FRMPD1: variants seen among roughly 807,000 people sequenced by gnomAD.
FRMPD1 encodes the protein FERM and PDZ domain containing 1, also known as FERM and PDZ domain-containing protein 1.
FRMPD1 carries 76 observed loss-of-function variants against 117.8 expected under a neutral mutation model. The observed-to-expected ratio is 0.65, with a 90% CI of 0.54 to 0.78. The LOEUF (loss-of-function observed/expected upper bound fraction) is 0.78. Among genes scored for constraint, FRMPD1 ranks in the 30% least tolerant of loss-of-function variants. FRMPD1 has a pLI of 0.00. For missense variants in FRMPD1, 1,786 were observed against 1,964.5 expected (o/e 0.91, Z 1.72); for synonymous variants, 783 against 770.4 (o/e 1.02, Z -0.27).
Position 37,744,580 on chromosome 9 carries a change from G to T in FRMPD1, c.2548G>T (p.Val850Phe), listed in dbSNP as rs774366734. The change falls in exon 16 of 16, where the codon GTC becomes TTC. Residue 850 changes from valine (V) to phenylalanine (F), a missense_variant. Transcript: ENST00000377765. ...SFLQTDYTSQ[V>F]SFPLVPSASL... ...CCTACAGACCGACTACACCTCTCAG[G>T]TCTCATTTCCCCTGGTGCCATCAGC... 2 of 1,614,108 alleles carry T rather than the reference G, an allele frequency of 1.2e-6. No individual in the cohort carries two copies. The highest frequency in any genetic ancestry group is 1.7e-6 in the Non-Finnish European group (2 of 1,180,004).
chr9:37,729,532 T>C (rs908079726), intron 7 of FRMPD1, among the ~76,000 whole-genome samples, 196 bp from the exon 8 acceptor site: 1 of 151,536 alleles, frequency 6.6e-6, no homozygotes, highest in African/African-American at 2.4e-5. Context: ...TGGATGGTGA[T>C]GGAGCTTGAG....
chr9:37,620,417 G>A, the FRMPD1 span, among the ~76,000 whole-genome samples: 2 of 152,028 alleles, frequency 1.3e-5, no homozygotes, highest in South Asian at 2.1e-4. Context: ...TCTTCACAGG[G>A]CTGCTGTGAG....
chr9:37,707,895 C>T (rs1044098408), intron 3 of FRMPD1, among the ~76,000 whole-genome samples: 5 of 152,216 alleles, frequency 3.3e-5, no homozygotes, highest in African/African-American at 1.2e-4. Context: ...CCACACGCTC[C>T]TAGCTGGGGA....
At chr9:37,715,936 G>GAGTGACCTTACTA (rs1226685155) in intron 5 of FRMPD1, among the ~76,000 whole-genome samples, 1 of 152,162 alleles carries the variant, frequency 6.6e-6, no homozygotes, top group East Asian at 1.9e-4. Flanking sequence ...CGATTTGGAA[G>GAGTGACCTTACTA]AGTGACCTTC....
chr9:37,657,976 G>A (rs1386352284), intron 1 of FRMPD1, among the ~76,000 whole-genome samples: 4 of 151,718 alleles, frequency 2.6e-5, no homozygotes, highest in African/African-American at 4.8e-5. Flanking sequence ...TCTTCCTCTC[G>A]GCAATGGTTG....
chr9:37,659,413 G>A (rs1007544017), intron 1 of FRMPD1, among the ~76,000 whole-genome samples: 1 of 152,160 alleles, frequency 6.6e-6, no homozygotes, highest in African/African-American at 2.4e-5. Context: ...TCAGGGATTA[G>A]GCTGCCTAGG....
intron 15 of FRMPD1, 187 bp downstream of exon 15, chr9:37,741,071 G>A (rs1824389092): frequency 5.0e-6 from 3 of 599,782 alleles, no homozygotes; most frequent in South Asian, 2.0e-5. Flanking sequence ...TGCAAGGGAG[G>A]TTCAGACAAC....
intron 1 of FRMPD1, among the ~76,000 whole-genome samples, chr9:37,657,393 G>A (rs1011255306): frequency 2.6e-5 from 4 of 152,170 alleles, no homozygotes; most frequent in Non-Finnish European, 5.9e-5. Flanking sequence ...TATTAAAGAC[G>A]AGGATGGCAT....
chr9:37,710,574 G>T (rs895826441), intron 4 of FRMPD1, among the ~76,000 whole-genome samples: 1 of 152,126 alleles, frequency 6.6e-6, no homozygotes, highest in African/African-American at 2.4e-5. Context: ...TCTGATAAAC[G>T]TTATCCACAG....
intron 6 of FRMPD1, 72 bp downstream of exon 6, chr9:37,719,248 T>C (rs981095314): frequency 1.1e-6 from 1 of 915,934 alleles, no homozygotes; most frequent in African/African-American, 1.6e-5. Flanking sequence ...TCCCTGAACC[T>C]CTGGAATTCC....
chr9:37,706,465 C>G (rs1161509052), intron 2 of FRMPD1, among the ~76,000 whole-genome samples: 1 of 152,174 alleles, frequency 6.6e-6, no homozygotes, highest in Non-Finnish European at 1.5e-5. Flanking sequence ...ATTACTCCTT[C>G]ACATTTCTGT....
At chr9:37,637,963 G>GCTTTTTTTTCTTTCTTT in the FRMPD1 span, among the ~76,000 whole-genome samples, 68 of 100,128 alleles carry the variant, frequency 6.8e-4, 6 homozygotes, top group East Asian at 6.0e-3. Context: ...AATGGTGTAT[G>GCTTTTTTTTCTTTCTTT]CTTTCTTTCT....
intron 1 of FRMPD1, among the ~76,000 whole-genome samples, chr9:37,677,566 G>C (rs888620732): frequency 6.6e-6 from 1 of 152,230 alleles, no homozygotes; most frequent in Admixed American, 6.5e-5. Context: ...TACAGGCTCA[G>C]GGAGGCTAAG....
chr9:37,692,842 G>A (rs1463075295), intron 2 of FRMPD1, 100 bp downstream of exon 2: 9 of 867,140 alleles, frequency 1.0e-5, no homozygotes, highest in Admixed American at 1.9e-5. Flanking sequence ...TGCTGTCTCC[G>A]GCTTGCTTTG....
chr9:37,651,495 C>T (rs1043884988), intron 1 of FRMPD1, among the ~76,000 whole-genome samples: 7 of 152,242 alleles, frequency 4.6e-5, no homozygotes, highest in African/African-American at 1.7e-4. Context: ...TCGCCAGGGA[C>T]GATCAGCTGC....
At position 37,718,978 on chromosome 9, in the gene FRMPD1, C is replaced by G. The variant is rs1823271467; in HGVS notation, c.409-91C>G. 19 of 760,708 alleles carry G rather than the reference C, an allele frequency of 2.5e-5. 2 individuals carry two copies. The South Asian group carries it at 2.6e-4, about 11-fold the overall frequency. 47.1% of individuals were successfully genotyped at this position (760,708 alleles called of 1,614,324 possible). Reference sequence around the variant, plus strand: ...TTTAAATTGAATCTGCAACAGCTATCAAAGTTTCTGTTTTTAAGAAATGAG... The same window carrying G: ...TTTAAATTGAATCTGCAACAGCTATGAAAGTTTCTGTTTTTAAGAAATGAG... On this transcript the variant is annotated intron_variant, in intron 5 of 15. Coordinates refer to ENST00000377765, the MANE Select transcript of FRMPD1 (RefSeq NM_014907.3).
chr9:37,741,450 G>GACACACACACAC (rs56971939), intron 15 of FRMPD1, among the ~76,000 whole-genome samples: 154 of 135,732 alleles, frequency 1.1e-3, no homozygotes, highest in African/African-American at 4.0e-3. Flanking sequence ...ATCCTGGCAG[G>GACACACACACAC]ACACACACAC....
chr9:37,739,606 C>T (rs904815348), intron 14 of FRMPD1, among the ~76,000 whole-genome samples: 2 of 152,124 alleles, frequency 1.3e-5, no homozygotes, highest in Non-Finnish European at 2.9e-5. Context: ...GCTAAAAATA[C>T]AGATTCTCAG....
At chr9:37,672,344 C>T (rs1821380866) in intron 1 of FRMPD1, among the ~76,000 whole-genome samples, 1 of 152,074 alleles carries the variant, frequency 6.6e-6, no homozygotes, top group African/African-American at 2.4e-5. Flanking sequence ...TCTGGAACCT[C>T]CTGGGAAGTG....
Sources: allele counts gnomAD v4.1 joint callset (sites outside exome capture counted in the v4.1 genomes callset), GRCh38; gene constraint gnomAD v4.1.1; transcripts MANE v1.5; gene names NCBI Gene and HGNC (gene_info 2026-07-23, HGNC 2026-07-21).